PIK3R4: variants seen among roughly 807,000 people sequenced by gnomAD.
PIK3R4 encodes phosphoinositide 3-kinase regulatory subunit 4.
In PIK3R4, 46 loss-of-function variants were observed where a neutral mutation model predicts 136.5. The ratio of observed to expected loss-of-function variants is 0.34; its 90% CI spans 0.27 to 0.43. The LOEUF is 0.43. Ranked by LOEUF, PIK3R4 falls within the 20% of genes least tolerant of loss-of-function variation. PIK3R4 has a pLI of 1.00. For missense variants in PIK3R4, 1,331 were observed against 1,649.5 expected (o/e 0.81, Z 3.35); for synonymous variants, 557 against 566.7 (o/e 0.98, Z 0.24).
At chr3:130,687,055 A>G (rs1286895113) in intron 14 of PIK3R4, among the ~76,000 whole-genome samples, 1 of 141,268 alleles carries the variant, frequency 7.1e-6, no homozygotes, top group Non-Finnish European at 1.5e-5. Context: ...CACAACCACA[A>G]CTGTTTCAGA....
At chr3:130,711,491 C>A (rs1487007249) in intron 9 of PIK3R4, among the ~76,000 whole-genome samples, 1 of 152,140 alleles carries the variant, frequency 6.6e-6, no homozygotes, top group Non-Finnish European at 1.5e-5. Flanking sequence ...CTTCAGAGGG[C>A]TACAGAAGGG....
chr3:130,694,023 C>T (rs1553727446), intron 13 of PIK3R4, among the ~76,000 whole-genome samples: 1 of 152,008 alleles, frequency 6.6e-6, no homozygotes, highest in Non-Finnish European at 1.5e-5. Context: ...CTTTTCCCAA[C>T]TGAAATATCC....
rs1576456007 is a variant in PIK3R4 at position 130,707,901 on chromosome 3, A to G, written c.2533+390T>C. ...CTTTCTTTTTAATTCACTGGGCATT[A>G]CCTACTACTAATGAACTAGAAAACT... On this transcript the variant is annotated intron_variant, in intron 10 of 19. Transcript: ENST00000356763. Among the ~76,000 whole-genome samples, 4 of 152,190 alleles carry G rather than the reference A, an allele frequency of 2.6e-5. No homozygotes were observed. The East Asian group carries it at 7.7e-4, about 29-fold the overall frequency.
chr3:130,695,689 A>G (rs1284787423), intron 13 of PIK3R4, among the ~76,000 whole-genome samples: 21 of 152,134 alleles, frequency 1.4e-4, no homozygotes, highest in Non-Finnish European at 8.8e-5. Flanking sequence ...AAAATATATT[A>G]TTGTAACTGT....
chr3:130,740,932 T>C (rs1433911192), intron 2 of PIK3R4, among the ~76,000 whole-genome samples: 2 of 152,116 alleles, frequency 1.3e-5, no homozygotes, highest in Non-Finnish European at 2.9e-5. Flanking sequence ...GTTCCTTTGT[T>C]CTATTTTTAT....
chr3:130,679,798 C>G (rs2066444498), intron 19 of PIK3R4, among the ~76,000 whole-genome samples: 1 of 152,086 alleles, frequency 6.6e-6, no homozygotes, highest in Non-Finnish European at 1.5e-5. Flanking sequence ...GATGTATAGG[C>G]CAGGCGCGGT....
chr3:130,703,584 C>T lies in PIK3R4; in HGVS notation c.3098+139G>A, dbSNP rs1228407333. 7.8e-6 allele frequency: 5 copies of T among 639,558 alleles called. No homozygotes were observed. In the Admixed American group the frequency reaches 1.3e-4, roughly 17 times the overall value. 39.6% of individuals were successfully genotyped at this position (639,558 alleles called of 1,614,324 possible). ...CTCTCACTTTCCACTAGAAGGTAAA[C>T]TCCACAGAAGAAGGATTTTTGTCCA... On this transcript the variant is annotated intron_variant, in intron 13 of 19. Transcript: ENST00000356763.
chr3:130,737,374 T>TA (rs1272878845), intron 2 of PIK3R4, among the ~76,000 whole-genome samples: 1 of 152,088 alleles, frequency 6.6e-6, no homozygotes, highest in African/African-American at 2.4e-5. Flanking sequence ...AACGAAAAGT[T>TA]AAAAATATTG....
chr3:130,697,062 G>GTTT (rs1559821992), intron 13 of PIK3R4, among the ~76,000 whole-genome samples: 1 of 96,354 alleles, frequency 1.0e-5, no homozygotes, highest in African/African-American at 3.7e-5. Context: ...GGCCACTCCA[G>GTTT]CTTTTTTTTT....
chr3:130,721,762 G>A (rs1488669589), intron 7 of PIK3R4, among the ~76,000 whole-genome samples: 1 of 152,088 alleles, frequency 6.6e-6, no homozygotes, highest in Non-Finnish European at 1.5e-5. Context: ...GGAATGGGCA[G>A]GTGTTAGTCA....
intron 4 of PIK3R4, among the ~76,000 whole-genome samples, chr3:130,731,686 A>G (rs1304062659): frequency 1.3e-5 from 2 of 152,234 alleles, no homozygotes; most frequent in African/African-American, 4.8e-5. Flanking sequence ...CACACTTGGA[A>G]GTTCACTTTA....
At chr3:130,701,006 A>T (rs2066571003) in intron 13 of PIK3R4, among the ~76,000 whole-genome samples, 1 of 152,098 alleles carries the variant, frequency 6.6e-6, no homozygotes, top group African/African-American at 2.4e-5. Context: ...AATTTGGGGG[A>T]TATTATCTGA....
At chr3:130,734,472 G>T (rs1299080721) in intron 3 of PIK3R4, among the ~76,000 whole-genome samples, 1 of 152,164 alleles carries the variant, frequency 6.6e-6, no homozygotes, top group Admixed American at 6.5e-5. Flanking sequence ...CTCTTCCAGA[G>T]AAAAATGTAT....
intron 7 of PIK3R4, among the ~76,000 whole-genome samples, chr3:130,720,898 G>C (rs72998230): frequency 2.0e-5 from 3 of 152,086 alleles, no homozygotes; most frequent in African/African-American, 7.2e-5. Context: ...CTAGCCAGGC[G>C]TGGTGGCACA....
chr3:130,700,983 G>A (rs2066570930), intron 13 of PIK3R4, among the ~76,000 whole-genome samples: 1 of 152,152 alleles, frequency 6.6e-6, no homozygotes, highest in African/African-American at 2.4e-5. Flanking sequence ...TATAAAGTCA[G>A]CTAAATTACC....
At chr3:130,708,989 G>C (rs1293127996) in intron 9 of PIK3R4, among the ~76,000 whole-genome samples, 2 of 152,096 alleles carry the variant, frequency 1.3e-5, no homozygotes, top group Non-Finnish European at 2.9e-5. Context: ...ATGCAACTAA[G>C]GGATTGATTG....
At chr3:130,722,247 T>C (rs995837659) in intron 7 of PIK3R4, among the ~76,000 whole-genome samples, 18 of 152,238 alleles carry the variant, frequency 1.2e-4, no homozygotes, top group African/African-American at 3.4e-4. Flanking sequence ...AGTTTTCATA[T>C]CAAATTCAGT....
rs1283313422 is a variant in PIK3R4 at position 130,716,510 on chromosome 3, A to G, written c.2217T>C (p.Thr739=). The part of the protein sequence containing the change: ...FDYALRSKDI[T]SLFRHLHMRQ... ...GCATGTGAAGATGTCTGAACAAGCT[A>G]GTAATATCTTTAGACCTCAAAGCAT... The change falls in exon 9 of 20, where the codon ACT becomes ACC. Residue 739 remains threonine, a synonymous_variant. Coordinates refer to ENST00000356763, the MANE Select transcript of PIK3R4 (RefSeq NM_014602.3). The G allele has an allele frequency of 6.2e-7, 1 of 1,613,886 alleles. No individual in the cohort carries two copies. The highest frequency in any genetic ancestry group is 8.5e-7 in the Non-Finnish European group (1 of 1,179,722).
intron 7 of PIK3R4, 126 bp downstream of exon 7, chr3:130,723,288 C>G: frequency 1.3e-6 from 1 of 775,768 alleles, no homozygotes; most frequent in Non-Finnish European, 2.0e-6. Context: ...TGCACACCCA[C>G]ACAATCAATA....
Sources: gnomAD v4.1 joint callset for allele counts (sites outside exome capture counted in the v4.1 genomes callset) on GRCh38, gnomAD v4.1.1 for gene constraint, MANE v1.5 for transcripts, NCBI Gene and HGNC (gene_info 2026-07-23, HGNC 2026-07-21) for gene names.